BMPR1B: variants seen among roughly 807,000 people sequenced by gnomAD.
BMPR1B encodes bone morphogenetic protein receptor type-1B.
In BMPR1B, 12 loss-of-function variants were observed where a neutral mutation model predicts 59.1. That is an observed-to-expected ratio of 0.20 (90% CI 0.13 to 0.33). BMPR1B has a LOEUF of 0.33. Among genes scored for constraint, BMPR1B ranks in the 10% least tolerant of loss-of-function variants. BMPR1B has a pLI of 1.00. For synonymous variants in BMPR1B, 237 were observed against 207.3 expected (o/e 1.14, Z -1.23); for missense variants, 550 against 610.9 (o/e 0.90, Z 1.05).
At chr4:94,833,192 CA>C (rs60473542) in intron 1 of BMPR1B, among the ~76,000 whole-genome samples, 4,705 of 132,904 alleles carry the variant, frequency 0.035, 59 homozygotes, top group East Asian at 0.088. Flanking sequence ...GACTCTTTCT[CA>C]AAAAAAAAAA....
At chr4:94,826,958 C>T (rs557561040) in intron 1 of BMPR1B, among the ~76,000 whole-genome samples, 2 of 152,074 alleles carry the variant, frequency 1.3e-5, no homozygotes, top group Non-Finnish European at 2.9e-5. Flanking sequence ...CAGCATAATA[C>T]TACTTTCAAA....
chr4:94,798,612 T>C (rs922732960), intron 1 of BMPR1B, among the ~76,000 whole-genome samples: 1 of 152,194 alleles, frequency 6.6e-6, no homozygotes, highest in Non-Finnish European at 1.5e-5. Flanking sequence ...GTGTTTTTAC[T>C]ACTGACAGAC....
chr4:95,148,949 A>T (rs1229199775), intron 11 of BMPR1B, 26 bp downstream of exon 11: 2 of 1,612,698 alleles, frequency 1.2e-6, no homozygotes, highest in Admixed American at 3.3e-5. Context: ...GTCTTTGAAA[A>T]GCTACTATTG....
intron 3 of BMPR1B, among the ~76,000 whole-genome samples, chr4:95,058,650 C>G (rs1727110890): frequency 6.6e-6 from 1 of 152,128 alleles, no homozygotes; most frequent in Admixed American, 6.5e-5. Flanking sequence ...AAATCCAAGC[C>G]AAGGTTTGTT....
intron 4 of BMPR1B, among the ~76,000 whole-genome samples, chr4:95,107,604 C>A (rs1238500636): frequency 2.0e-5 from 3 of 152,000 alleles, no homozygotes; most frequent in Non-Finnish European, 1.5e-5. Flanking sequence ...TTTACTTTTA[C>A]CTTTCTTTAT....
At chr4:95,017,955 C>G (rs1428062419) in intron 3 of BMPR1B, among the ~76,000 whole-genome samples, 1 of 152,110 alleles carries the variant, frequency 6.6e-6, no homozygotes, top group East Asian at 1.9e-4. Flanking sequence ...CGGAAGGTTT[C>G]TGTGGGCAAA....
intron 1 of BMPR1B, among the ~76,000 whole-genome samples, chr4:94,834,347 T>C (rs1409510862): frequency 1.3e-5 from 2 of 152,192 alleles, no homozygotes; most frequent in East Asian, 3.9e-4. Context: ...GATATGCTTA[T>C]CTTCCTTATC....
chr4:94,801,712 C>G (rs1320804299), intron 1 of BMPR1B, among the ~76,000 whole-genome samples: 1 of 151,782 alleles, frequency 6.6e-6, no homozygotes, highest in East Asian at 1.9e-4. Flanking sequence ...TTGAACTAAC[C>G]CTTAAACTAA....
intron 2 of BMPR1B, among the ~76,000 whole-genome samples, chr4:94,974,089 G>C (rs1475580619): frequency 6.6e-6 from 1 of 152,018 alleles, no homozygotes; most frequent in Non-Finnish European, 1.5e-5. Context: ...AAATTATACT[G>C]ATTTACTTAA....
chr4:95,053,323 G>GTGTGTGTGTGTGTGTGTGTGTGT (rs1726663706), intron 3 of BMPR1B, among the ~76,000 whole-genome samples: 2 of 139,378 alleles, frequency 1.4e-5, no homozygotes, highest in Admixed American at 7.4e-5. Context: ...GTGTGTGTGT[G>GTGTGTGTGTGTGTGTGTGTGTGT]ATGTGCCTGT....
At chr4:95,070,117 C>CA (rs1345523570) in intron 3 of BMPR1B, among the ~76,000 whole-genome samples, 2 of 151,118 alleles carry the variant, frequency 1.3e-5, no homozygotes, top group South Asian at 4.2e-4. Context: ...CAAAACAAAA[C>CA]AAACAAACAA....
At chr4:95,025,082 A>G (rs1477120298) in intron 3 of BMPR1B, among the ~76,000 whole-genome samples, 2 of 152,162 alleles carry the variant, frequency 1.3e-5, no homozygotes, top group African/African-American at 2.4e-5. Flanking sequence ...GTGAGACTCC[A>G]TCTCAAAAAA....
At chr4:94,807,477 C>G (rs1049265276) in intron 1 of BMPR1B, among the ~76,000 whole-genome samples, 1 of 151,830 alleles carries the variant, frequency 6.6e-6, no homozygotes, top group Non-Finnish European at 1.5e-5. Context: ...TGTTGTAAAT[C>G]AATTTACTGA....
At chr4:94,959,677 T>C (rs1730281901) in intron 2 of BMPR1B, among the ~76,000 whole-genome samples, 1 of 152,216 alleles carries the variant, frequency 6.6e-6, no homozygotes, top group African/African-American at 2.4e-5. Flanking sequence ...TTCCATTTCA[T>C]AAAGTTAATT....
intron 2 of BMPR1B, among the ~76,000 whole-genome samples, chr4:94,994,719 A>G (rs1376690884): frequency 1.3e-5 from 2 of 151,520 alleles, no homozygotes; most frequent in Non-Finnish European, 2.9e-5. Context: ...GGTCAGTTAC[A>G]CTGTAGAAAG....
chr4:95,059,138 G>A (rs1432833480), intron 3 of BMPR1B, among the ~76,000 whole-genome samples: 3 of 152,112 alleles, frequency 2.0e-5, no homozygotes, highest in Non-Finnish European at 4.4e-5. Flanking sequence ...CTTAGCCTCT[G>A]AATTCAGCTG....
At chr4:94,862,862 G>A (rs1409281568) in intron 1 of BMPR1B, among the ~76,000 whole-genome samples, 2 of 150,638 alleles carry the variant, frequency 1.3e-5, no homozygotes, top group South Asian at 2.1e-4. Context: ...GGAGAATGGC[G>A]TCAACCCGGG....
chr4:94,940,896 C>T (rs1438163406), intron 2 of BMPR1B, among the ~76,000 whole-genome samples: 2 of 151,922 alleles, frequency 1.3e-5, no homozygotes, highest in African/African-American at 4.8e-5. Context: ...TAATCCCCTG[C>T]AGAAAAGTTG....
chr4:95,019,168 A>G (rs1396631297), intron 3 of BMPR1B, among the ~76,000 whole-genome samples: 3 of 152,170 alleles, frequency 2.0e-5, no homozygotes, highest in Non-Finnish European at 4.4e-5. Flanking sequence ...GAAATAACCT[A>G]TGCTTCTTTA....
Sources: allele counts gnomAD v4.1 joint callset (sites outside exome capture counted in the v4.1 genomes callset), GRCh38; gene constraint gnomAD v4.1.1; transcripts MANE v1.5; gene names NCBI Gene and HGNC (gene_info 2026-07-23, HGNC 2026-07-21).